API5: variants seen among roughly 807,000 people sequenced by gnomAD.
API5 encodes the protein FIF.
A neutral mutation model predicts 71.9 loss-of-function variants in API5; 6 were observed. That is an observed-to-expected ratio of 0.08 (90% CI 0.05 to 0.16). The LOEUF is 0.16. Ranked by LOEUF, API5 falls within the 10% of genes least tolerant of loss-of-function variation. API5 has a pLI of 1.00. For synonymous variants in API5, 189 were observed against 221.3 expected (o/e 0.85, Z 1.30); for missense variants, 332 against 612.8 (o/e 0.54, Z 4.84).
Position 43,321,436 on chromosome 11 carries a change from G to C in API5, c.351G>C (p.Val117=). 1 of 1,611,670 alleles carries C rather than the reference G, an allele frequency of 6.2e-7. No homozygotes were observed. Among genetic ancestry groups the C allele is most frequent in the Non-Finnish European group, 8.5e-7 (1 of 1,178,872 alleles). The change falls in exon 4 of 14, where the codon GTG becomes GTC. Residue 117 remains valine, a synonymous_variant. Transcript: ENST00000531273. ...QTDDSAEFNL[V]NNALLSIFKM... is the part of the protein sequence containing the mutation. ...ATGACTCTGCAGAATTTAACCTAGT[G>C]AACAATGCCCTATTAAGTATATTTA...
At chr11:43,320,642 G>A (rs1035814226) in intron 2 of API5, among the ~76,000 whole-genome samples, 179 bp from the exon 3 acceptor site, 1 of 151,650 alleles carries the variant, frequency 6.6e-6, no homozygotes. Context: ...AAGGCAAGAG[G>A]CTCTCTTGAG....
intron 6 of API5, among the ~76,000 whole-genome samples, chr11:43,325,014 T>C (rs1855021706): frequency 1.3e-5 from 2 of 151,640 alleles, no homozygotes; most frequent in African/African-American, 4.8e-5. Flanking sequence ...AAGGAAGAGA[T>C]CAAAATGTAT....
chr11:43,314,100 TAA>T (rs546774601), intron 1 of API5, among the ~76,000 whole-genome samples: 1 of 141,588 alleles, frequency 7.1e-6, no homozygotes, highest in East Asian at 2.0e-4. Flanking sequence ...AACAAAAAAT[TAA>T]AAAAAAAAAA....
chr11:43,341,232 G>A lies in API5; in HGVS notation c.1493-1196G>A, dbSNP rs145389743. On this transcript the variant is annotated intron_variant, in intron 13 of 13. Transcript: ENST00000531273. ...CCACAATGAGTAAGTTGGAAGTTCA[G>A]GGAAGAGATTTTATCTCATTTACAT... Among the ~76,000 whole-genome samples, 4 of 152,226 alleles carry A rather than the reference G, an allele frequency of 2.6e-5. No individual in the cohort carries two copies. The East Asian group carries it at 7.7e-4, about 29-fold the overall frequency.
intron 11 of API5, among the ~76,000 whole-genome samples, chr11:43,332,484 C>T (rs1855289939): frequency 6.6e-6 from 1 of 152,092 alleles, no homozygotes; most frequent in African/African-American, 2.4e-5. Flanking sequence ...GCTTATAGAA[C>T]TCAGGGAAAC....
Position 43,340,345 on chromosome 11 carries a change from G to A in API5, c.1493-2083G>A, listed in dbSNP as rs183920034. ...TTAGAGGAATTAATATATTTTAAAT[G>A]ACCATGCTACCCAAAGTGATCTCCA... On this transcript the variant is annotated intron_variant, in intron 13 of 13. Transcript: ENST00000531273. 693 of 168,496 alleles carry A rather than the reference G, an allele frequency of 4.1e-3. 5 individuals carry two copies. The highest frequency in any genetic ancestry group is 0.016 in the African/African-American group (651 of 41,710). The allele number at this position is 168,496 out of a possible 1,614,324, so 10.4% of individuals were successfully genotyped here. A position where few individuals can be genotyped will look rare whatever the true frequency, so the allele number is the denominator to read the frequency against.
At chr11:43,339,186 G>A (rs1355063295) in intron 13 of API5, 1 of 152,130 alleles carries the variant, frequency 6.6e-6, no homozygotes, top group Non-Finnish European at 1.5e-5. Flanking sequence ...AGCCAAACTG[G>A]GGAAAGGTCC....
chr11:43,337,382 A>T (rs909339468), intron 13 of API5, among the ~76,000 whole-genome samples: 1 of 152,200 alleles, frequency 6.6e-6, no homozygotes, highest in Non-Finnish European at 1.5e-5. Context: ...TTTGTTTCCA[A>T]GGTGAGAGAA....
At chr11:43,330,638 A>G in intron 11 of API5, 74 bp downstream of exon 11, 2 of 1,208,896 alleles carry the variant, frequency 1.7e-6, no homozygotes, top group Non-Finnish European at 1.2e-6. Flanking sequence ...AAAGTTTTGC[A>G]TAAGATACTT....
At chr11:43,316,520 T>A (rs1172003518) in intron 1 of API5, among the ~76,000 whole-genome samples, 2 of 152,152 alleles carry the variant, frequency 1.3e-5, no homozygotes, top group African/African-American at 2.4e-5. Context: ...AAACTTTGAT[T>A]TTATGAAGCC....
chr11:43,315,027 C>A (rs1854621865), intron 1 of API5, among the ~76,000 whole-genome samples: 1 of 152,158 alleles, frequency 6.6e-6, no homozygotes, highest in Non-Finnish European at 1.5e-5. Context: ...CTGGCAAATA[C>A]CTGTCTGGAT....
chr11:43,325,679 T>G (rs990442878), intron 6 of API5, among the ~76,000 whole-genome samples: 15 of 152,194 alleles, frequency 9.9e-5, no homozygotes, highest in Admixed American at 4.6e-4. Flanking sequence ...ATCAAGATCC[T>G]GAAGCATGTC....
intron 13 of API5, 172 bp downstream of exon 13, chr11:43,336,166 T>C: frequency 3.5e-6 from 3 of 848,448 alleles, no homozygotes; most frequent in Non-Finnish European, 5.2e-6. Flanking sequence ...TCCTCTCTCA[T>C]TCACCCTTCT....
chr11:43,313,217 G>T (rs1474736334), intron 1 of API5, among the ~76,000 whole-genome samples: 4 of 152,122 alleles, frequency 2.6e-5, no homozygotes, highest in African/African-American at 9.7e-5. Flanking sequence ...AGCTCTGAAT[G>T]GAGTTGTCTG....
intron 2 of API5, among the ~76,000 whole-genome samples, chr11:43,319,336 C>T (rs182476550): frequency 6.6e-6 from 1 of 152,102 alleles, no homozygotes; most frequent in Non-Finnish European, 1.5e-5. Flanking sequence ...GACACAGGTT[C>T]CTAAGAATAT....
At chr11:43,318,942 A>G (rs1003297728) in intron 2 of API5, 141 bp downstream of exon 2, 8 of 724,240 alleles carry the variant, frequency 1.1e-5, no homozygotes, top group African/African-American at 1.8e-5. Context: ...ACCCAGGCTT[A>G]AATTTACATA....
intron 11 of API5, among the ~76,000 whole-genome samples, chr11:43,334,850 C>T (rs1454296309): frequency 6.6e-6 from 1 of 151,890 alleles, no homozygotes; most frequent in African/African-American, 2.4e-5. Flanking sequence ...ATGGTGCTGG[C>T]AGTAAAGCTT....
chr11:43,337,096 G>A (rs558182466), intron 13 of API5, among the ~76,000 whole-genome samples: 1 of 152,044 alleles, frequency 6.6e-6, no homozygotes, highest in South Asian at 2.1e-4. Context: ...GGCCGAGGTG[G>A]GAGGATCACT....
At chr11:43,319,524 G>A (rs530194017) in intron 2 of API5, among the ~76,000 whole-genome samples, 41 of 152,166 alleles carry the variant, frequency 2.7e-4, no homozygotes, top group African/African-American at 9.6e-4. Context: ...TTGAACTCCT[G>A]GGTTCATGCA....
Sources: gnomAD v4.1 joint callset for allele counts (sites outside exome capture counted in the v4.1 genomes callset) on GRCh38, gnomAD v4.1.1 for gene constraint, MANE v1.5 for transcripts, NCBI Gene and HGNC (gene_info 2026-07-23, HGNC 2026-07-21) for gene names.